The following PRDM5 variants were observed in gnomAD, a reference collection of about 807,000 sequenced individuals.
The protein encoded by PRDM5 is PR/SET domain 5, also known as PR domain zinc finger protein 5.
Under a neutral mutation model 81.2 loss-of-function variants are expected in PRDM5, and 56 were observed. That is an observed-to-expected ratio of 0.69 (90% CI 0.56 to 0.86). The LOEUF (loss-of-function observed/expected upper bound fraction) is 0.86. Ranked by LOEUF, PRDM5 falls within the 40% of genes least tolerant of loss-of-function variation. PRDM5 has a pLI of 0.00. For missense variants in PRDM5, 697 were observed against 770.1 expected, an observed-to-expected ratio of 0.91 and a Z score of 1.12; for synonymous variants, 267 against 256.4, an observed-to-expected ratio of 1.04 and a Z score of -0.39.
chr4:120,764,223 A>AT (rs1425263578), intron 13 of PRDM5, among the ~76,000 whole-genome samples: 3 of 152,230 alleles, frequency 2.0e-5, no homozygotes, highest in African/African-American at 4.8e-5. Flanking sequence ...ACTCCAGTAT[A>AT]TAAAAAAAAG....
intron 3 of PRDM5, among the ~76,000 whole-genome samples, chr4:120,824,568 T>C (rs1214936571): frequency 6.6e-6 from 1 of 152,230 alleles, no homozygotes; most frequent in East Asian, 1.9e-4. Flanking sequence ...AACATATTTA[T>C]AGAATGAATG....
chr4:120,884,063 G>A (rs1038346961), intron 2 of PRDM5, among the ~76,000 whole-genome samples: 3 of 152,086 alleles, frequency 2.0e-5, no homozygotes, highest in African/African-American at 7.2e-5. Context: ...CAATCTATTA[G>A]TGAAAAAACA....
At chr4:120,700,725 T>C (rs1412470053) in intron 15 of PRDM5, among the ~76,000 whole-genome samples, 2 of 152,170 alleles carry the variant, frequency 1.3e-5, no homozygotes, top group East Asian at 1.9e-4. Flanking sequence ...AAAGAAGACA[T>C]ATAAGTGGAT....
intron 2 of PRDM5, among the ~76,000 whole-genome samples, chr4:120,886,159 G>A (rs745641120): frequency 2.9e-5 from 4 of 138,888 alleles, no homozygotes; most frequent in Admixed American, 7.1e-5. Context: ...AGGCTTCATA[G>A]GTGGTATTTT....
At chr4:120,769,681 C>A (rs1746954067) in intron 13 of PRDM5, among the ~76,000 whole-genome samples, 1 of 152,124 alleles carries the variant, frequency 6.6e-6, no homozygotes, top group South Asian at 2.1e-4. Flanking sequence ...GTCTGAAAAA[C>A]CCATGAGAAC....
chr4:120,785,531 C>T (rs1749653789), intron 10 of PRDM5, among the ~76,000 whole-genome samples: 1 of 152,128 alleles, frequency 6.6e-6, no homozygotes, highest in African/African-American at 2.4e-5. Flanking sequence ...TTTCTCTCAA[C>T]TTCACTGAAT....
At chr4:120,827,710 TC>T (rs1005988103) in intron 3 of PRDM5, among the ~76,000 whole-genome samples, 4 of 151,984 alleles carry the variant, frequency 2.6e-5, no homozygotes, top group African/African-American at 9.7e-5. Context: ...AGAAAATCAA[TC>T]CGTGGGTAAC....
rs1370830174 is a variant in PRDM5, at chr4:120,897,565, A to G, written c.177+9909T>C. Among the ~76,000 whole-genome samples the G allele has an allele frequency of 3.9e-5, 6 of 152,122 alleles. No individual in the cohort carries two copies. In the East Asian group the frequency reaches 9.6e-4, roughly 24 times the overall value. On this transcript the variant is annotated intron_variant, in intron 2 of 15. Transcript: ENST00000264808. ...CAAAACTGCTTCTGTCCCATTTTCT[A>G]CATCCTCTCCTGCTAAGCTAAAAGG...
At chr4:120,877,158 T>C (rs1762400802) in intron 2 of PRDM5, among the ~76,000 whole-genome samples, 1 of 152,164 alleles carries the variant, frequency 6.6e-6, no homozygotes. Context: ...GAGTTCAGAA[T>C]CATAAACTTA....
chr4:120,811,040 TAAAG>T (rs1753761504), intron 8 of PRDM5, among the ~76,000 whole-genome samples: 1 of 152,134 alleles, frequency 6.6e-6, no homozygotes, highest in Admixed American at 6.5e-5. Flanking sequence ...TTCTCTTTTG[TAAAG>T]AAAATATCTC....
intron 14 of PRDM5, among the ~76,000 whole-genome samples, chr4:120,731,368 T>A (rs1021906331): frequency 3.0e-5 from 3 of 99,636 alleles, no homozygotes; most frequent in Non-Finnish European, 4.7e-5. Context: ...AGAGGTCTTC[T>A]TTTTTTTTTT....
At chr4:120,848,881 T>C (rs572887435) in intron 3 of PRDM5, among the ~76,000 whole-genome samples, 2 of 152,292 alleles carry the variant, frequency 1.3e-5, no homozygotes, top group East Asian at 3.9e-4. Context: ...TACTGGAAGA[T>C]AACCTATTAA....
chr4:120,836,075 C>T (rs1483123145), intron 3 of PRDM5, among the ~76,000 whole-genome samples: 3 of 151,930 alleles, frequency 2.0e-5, no homozygotes, highest in African/African-American at 7.3e-5. Flanking sequence ...AAAATGAAGA[C>T]ACAGCATACA....
intron 14 of PRDM5, among the ~76,000 whole-genome samples, chr4:120,718,605 T>C (rs1300097660): frequency 5.3e-5 from 8 of 152,330 alleles, no homozygotes; most frequent in Admixed American, 1.3e-4. Context: ...TAATTGTATA[T>C]CATTGATTTT....
chr4:120,909,857 C>G (rs1289188182), intron 1 of PRDM5, among the ~76,000 whole-genome samples: 1 of 152,126 alleles, frequency 6.6e-6, no homozygotes, highest in Non-Finnish European at 1.5e-5. Flanking sequence ...ATCATAAACT[C>G]AAACCACCAA....
At chr4:120,849,103 T>C (rs1758974764) in intron 3 of PRDM5, among the ~76,000 whole-genome samples, 2 of 152,196 alleles carry the variant, frequency 1.3e-5, no homozygotes, top group South Asian at 2.1e-4. Context: ...TTTTGGTATT[T>C]ATTTTTGTTG....
chr4:120,836,543 A>T (rs1380384456), intron 3 of PRDM5, among the ~76,000 whole-genome samples: 1 of 152,184 alleles, frequency 6.6e-6, no homozygotes, highest in African/African-American at 2.4e-5. Context: ...TTACAGTTAG[A>T]TACTTTATTA....
intron 1 of PRDM5, among the ~76,000 whole-genome samples, chr4:120,685,242 A>G (rs1373199481): frequency 6.6e-6 from 1 of 152,068 alleles, no homozygotes; most frequent in African/African-American, 2.4e-5. Flanking sequence ...ATAAGGAGGT[A>G]GGTAGCTGAA....
chr4:120,785,017 T>C lies in PRDM5; in HGVS notation c.1263A>G (p.Arg421=), dbSNP rs755121275. 2 of 1,604,436 alleles carry C rather than the reference T, an allele frequency of 1.2e-6. No homozygotes were observed. The highest frequency in any genetic ancestry group is 1.7e-6 in the Non-Finnish European group (2 of 1,171,350). The change falls in exon 11 of 16, where the codon AGA becomes AGG. Residue 421 remains arginine (R), a synonymous_variant. Transcript: ENST00000264808. The part of the protein sequence containing the change: ...ALFRTPFSLQ[R]HLLIHNSERT... Reference sequence around the variant, plus strand: ...ACTTACTGTTATGTATTAGCAGGTGTCTCTGTAAAGAAAATGGGGTCCGGA... The same window carrying C: ...ACTTACTGTTATGTATTAGCAGGTGCCTCTGTAAAGAAAATGGGGTCCGGA...
Sources: gnomAD v4.1 joint callset for allele counts (sites outside exome capture counted in the v4.1 genomes callset) on GRCh38, gnomAD v4.1.1 for gene constraint, MANE v1.5 for transcripts, NCBI Gene and HGNC (gene_info 2026-07-23, HGNC 2026-07-21) for gene names.